The following SNRPN variants were observed in gnomAD, a reference collection of about 807,000 sequenced individuals.
The protein encoded by SNRPN is small nuclear ribonucleoprotein-associated protein N.
SNRPN carries 7 observed loss-of-function variants against 25.2 expected under a neutral mutation model. The observed-to-expected ratio is 0.28, with a 90% CI of 0.16 to 0.52. The LOEUF is 0.52. Ranked by LOEUF, SNRPN falls within the 20% of genes least tolerant of loss-of-function variation. The pLI, the probability that SNRPN is intolerant of heterozygous loss-of-function variation, is 0.96. For synonymous variants in SNRPN, 124 were observed against 110.6 expected (o/e 1.12, Z -0.76); for missense variants, 196 against 322.5 (o/e 0.61, Z 3.00).
intron 3 of SNRPN, among the ~76,000 whole-genome samples, chr15:24,930,229 A>G (rs956592450): frequency 7.1e-6 from 1 of 140,476 alleles, no homozygotes; most frequent in African/African-American, 2.7e-5. Flanking sequence ...AAAAAAAAAA[A>G]CTGTTCAAGA....
At chr15:24,911,449 T>A (rs192733169) in intron 2 of SNRPN, among the ~76,000 whole-genome samples, 9 of 152,224 alleles carry the variant, frequency 5.9e-5, no homozygotes, top group Admixed American at 4.6e-4. Flanking sequence ...AGCCCAGGAT[T>A]CCAGTGCAAC....
chr15:24,864,678 T>A (rs1318085022), intron 1 of SNRPN, among the ~76,000 whole-genome samples: 3 of 151,968 alleles, frequency 2.0e-5, no homozygotes, highest in African/African-American at 7.2e-5. Context: ...TTGTTTTTAA[T>A]AGATACATTT....
At chr15:24,974,259 G>A (rs1378497640) in intron 3 of SNRPN, 52 bp from the exon 4 acceptor site, 13 of 603,590 alleles carry the variant, frequency 2.2e-5, no homozygotes, top group Non-Finnish European at 3.0e-5. Context: ...TTGTCTGCCT[G>A]TTTTAAAACA....
upstream of SNRPN, among the ~76,000 whole-genome samples, chr15:24,852,513 A>C (rs542491747): frequency 3.2e-4 from 48 of 152,348 alleles, 1 homozygote; most frequent in Admixed American, 1.0e-3. Context: ...ATGTCCCACA[A>C]TGTGTATTTG....
chr15:24,848,229 G>GGCGGGGGCGGGGGCGGC, intron 2 of SNRPN: 1 of 126,664 alleles, frequency 7.9e-6, no homozygotes. Context: ...CGGGGGCGGC[G>GGCGGGGGCGGGGGCGGC]GTGGGGGCGG....
chr15:24,934,262 C>T (rs1366619706), intron 3 of SNRPN, among the ~76,000 whole-genome samples: 4 of 152,072 alleles, frequency 2.6e-5, no homozygotes, highest in East Asian at 1.9e-4. Context: ...CATGCCATTG[C>T]ACTCTAGCCT....
chr15:24,827,001 T>C (rs966673612), intron 1 of SNRPN, among the ~76,000 whole-genome samples: 2 of 152,042 alleles, frequency 1.3e-5, no homozygotes, highest in Admixed American at 6.5e-5. Context: ...AACACGATGG[T>C]GTCATATCCC....
intron 2 of SNRPN, among the ~76,000 whole-genome samples, chr15:24,840,793 C>T (rs1396428851): frequency 6.6e-6 from 1 of 152,106 alleles, no homozygotes; most frequent in African/African-American, 2.4e-5. Context: ...TCATTGTGCC[C>T]ATGGCCTTTT....
chr15:24,868,083 T>C (rs1044882061), intron 1 of SNRPN, among the ~76,000 whole-genome samples: 3 of 151,774 alleles, frequency 2.0e-5, no homozygotes, highest in Non-Finnish European at 1.5e-5. Flanking sequence ...CTTATGTTTA[T>C]AGTTTGAGTG....
At chr15:24,849,793 A>C (rs552374026) in intron 2 of SNRPN, 1 of 152,340 alleles carries the variant, frequency 6.6e-6, no homozygotes, top group East Asian at 1.9e-4. Flanking sequence ...AAGATTTAAG[A>C]TTGATCTAAA....
intron 3 of SNRPN, among the ~76,000 whole-genome samples, chr15:24,936,938 C>T (rs1365296272): frequency 1.3e-5 from 2 of 152,038 alleles, no homozygotes; most frequent in African/African-American, 4.8e-5. Flanking sequence ...TGTATCTTGC[C>T]AGTAACTTAT....
At position 24,977,003 on chromosome 15, in the gene SNRPN, C is replaced by T. The variant is rs1159179672; in HGVS notation, c.394C>T (p.Arg132Ter). The T allele has an allele frequency of 2.5e-6, 4 of 1,591,664 alleles. No individual in the cohort carries two copies. The highest frequency in any genetic ancestry group is 1.1e-5 in the South Asian group (1 of 88,272). Residue 132 changes from arginine to a stop codon, truncating the protein, a stop_gained, in exon 7 of 10, where the codon CGA (arginine) becomes TGA (stop). Transcript: ENST00000390687. LOFTEE classifies it high-confidence loss of function. ...CCCTGCTGGATTGGCAGGCCCTGTC[C>T]GAGGAGTTGGGGGACCATCCCAGCA... Reference protein sequence around the residue: ...QAPAGLAGPVRGVGGPSQQVM... With the variant: ...QAPAGLAGPV
At chr15:24,850,049 A>G (rs1037097445) in intron 2 of SNRPN, 1 of 152,166 alleles carries the variant, frequency 6.6e-6, no homozygotes, top group African/African-American at 2.4e-5. Context: ...CAGAGATGGT[A>G]ATGAAGCATT....
At chr15:24,840,306 C>T (rs894293371) in intron 2 of SNRPN, among the ~76,000 whole-genome samples, 4 of 152,006 alleles carry the variant, frequency 2.6e-5, no homozygotes, top group African/African-American at 4.8e-5. Flanking sequence ...TTCAATGAGC[C>T]GAGATTGCAC....
chr15:24,918,168 A>G (rs1728834645), intron 2 of SNRPN, among the ~76,000 whole-genome samples: 1 of 151,602 alleles, frequency 6.6e-6, no homozygotes, highest in African/African-American at 2.4e-5. Flanking sequence ...TTTGCTTTTG[A>G]TTCTATCATT....
upstream of SNRPN, among the ~76,000 whole-genome samples, chr15:24,951,232 T>C (rs1206803268): frequency 6.6e-6 from 1 of 152,134 alleles, no homozygotes; most frequent in East Asian, 1.9e-4. Context: ...GGTTAACATT[T>C]GTAAGCATTG....
At chr15:24,945,820 C>T (rs1380125378) in intron 3 of SNRPN, among the ~76,000 whole-genome samples, 1 of 152,110 alleles carries the variant, frequency 6.6e-6, no homozygotes, top group Non-Finnish European at 1.5e-5. Flanking sequence ...TAGATTGAGG[C>T]GGGAGAGGAG....
chr15:24,848,185 C>A (rs1223550082), intron 2 of SNRPN, among the ~76,000 whole-genome samples: 1 of 126,718 alleles, frequency 7.9e-6, no homozygotes, highest in African/African-American at 2.8e-5. Context: ...GCTCGTGGTG[C>A]GCTGTGGGAA....
chr15:24,834,751 C>CTCTCTCTCTATATATATATA, intron 2 of SNRPN, among the ~76,000 whole-genome samples: 33 of 60,942 alleles, frequency 5.4e-4, no homozygotes, highest in Non-Finnish European at 9.3e-4. Flanking sequence ...CTCTCTCTCT[C>CTCTCTCTCTATATATATATA]TATATATATA....
Sources: allele counts gnomAD v4.1 joint callset (sites outside exome capture counted in the v4.1 genomes callset), GRCh38; gene constraint gnomAD v4.1.1; transcripts MANE v1.5; gene names NCBI Gene and HGNC (gene_info 2026-07-23, HGNC 2026-07-21).